The following SYNPR variants were observed in gnomAD, a reference collection of about 807,000 sequenced individuals.
The protein encoded by SYNPR is synaptoporin.
Under a neutral mutation model 32.9 loss-of-function variants are expected in SYNPR, and 23 were observed. The observed-to-expected ratio is 0.70, with a 90% CI of 0.50 to 0.99. The LOEUF (loss-of-function observed/expected upper bound fraction) is 0.99. Ranked by LOEUF, SYNPR falls within the 50% of genes least tolerant of loss-of-function variation. The pLI is 0.00. For synonymous variants in SYNPR, 146 were observed against 135.9 expected, an observed-to-expected ratio of 1.07 and a Z score of -0.52; for missense variants, 318 against 349.3, an observed-to-expected ratio of 0.91 and a Z score of 0.71.
intron 2 of SYNPR, among the ~76,000 whole-genome samples, chr3:63,414,035 G>A (rs2107121330): frequency 6.6e-6 from 1 of 151,236 alleles, no homozygotes; most frequent in East Asian, 1.9e-4. Context: ...GAGAGAGAGA[G>A]AGACAGAGAG....
chr3:63,301,241 G>A (rs572816946), intron 2 of SYNPR, among the ~76,000 whole-genome samples: 1 of 152,120 alleles, frequency 6.6e-6, no homozygotes, highest in Non-Finnish European at 1.5e-5. Flanking sequence ...TGGATATTTA[G>A]ATAATATTTT....
chr3:63,409,839 A>G (rs758204081), intron 2 of SYNPR, among the ~76,000 whole-genome samples: 1 of 152,174 alleles, frequency 6.6e-6, no homozygotes, highest in Non-Finnish European at 1.5e-5. Context: ...GTGTGCCTAC[A>G]TAATTTGCTT....
chr3:63,609,337 C>T (rs1700166897), intron 5 of SYNPR, 21 bp downstream of exon 5: 4 of 1,500,728 alleles, frequency 2.7e-6, no homozygotes, highest in East Asian at 2.5e-5. Context: ...TTCATCTATG[C>T]TTTACTGTTC....
intron 4 of SYNPR, among the ~76,000 whole-genome samples, chr3:63,575,843 G>A (rs1702970695): frequency 6.6e-6 from 1 of 152,158 alleles, no homozygotes; most frequent in Non-Finnish European, 1.5e-5. Context: ...ACACACTTTG[G>A]AAGAAAGATA....
At chr3:63,246,039 T>C (rs2086286598) in intron 1 of SYNPR, among the ~76,000 whole-genome samples, 1 of 152,028 alleles carries the variant, frequency 6.6e-6, no homozygotes, top group African/African-American at 2.4e-5. Flanking sequence ...GTGCTTTTTC[T>C]ACATTTCTTA....
intron 2 of SYNPR, among the ~76,000 whole-genome samples, chr3:63,256,067 C>A (rs892351483): frequency 2.0e-5 from 3 of 152,180 alleles, no homozygotes; most frequent in African/African-American, 7.2e-5. Flanking sequence ...AACAAAGCAG[C>A]CAGGAAGCTC....
intron 2 of SYNPR, among the ~76,000 whole-genome samples, chr3:63,411,858 T>G (rs2088470954): frequency 6.6e-6 from 1 of 152,152 alleles, no homozygotes; most frequent in African/African-American, 2.4e-5. Context: ...AGTAGGAGGC[T>G]ATTGAAGAGT....
chr3:63,516,102 T>TCAAA (rs1261060380), intron 3 of SYNPR, among the ~76,000 whole-genome samples: 2 of 152,148 alleles, frequency 1.3e-5, no homozygotes, highest in Admixed American at 1.3e-4. Context: ...TTTTACTGGT[T>TCAAA]CAAAGTATAT....
intron 2 of SYNPR, among the ~76,000 whole-genome samples, chr3:63,447,784 T>C (rs1700306062): frequency 6.6e-6 from 1 of 152,090 alleles, no homozygotes; most frequent in South Asian, 2.1e-4. Context: ...AAAAGTACTA[T>C]TGGAAAATTG....
intron 1 of SYNPR, among the ~76,000 whole-genome samples, chr3:63,246,985 G>A (rs1442015161): frequency 6.6e-6 from 1 of 151,966 alleles, no homozygotes; most frequent in Non-Finnish European, 1.5e-5. Flanking sequence ...TGGGTGATGG[G>A]ATGATCTGTG....
chr3:63,347,517 A>G (rs2087452901), intron 2 of SYNPR, among the ~76,000 whole-genome samples: 1 of 152,210 alleles, frequency 6.6e-6, no homozygotes, highest in African/African-American at 2.4e-5. Context: ...GTATACAAGT[A>G]CAGTTTTGTT....
At chr3:63,207,723 G>T in the SYNPR span, among the ~76,000 whole-genome samples, 2 of 152,010 alleles carry the variant, frequency 1.3e-5, no homozygotes, top group Non-Finnish European at 2.9e-5. Context: ...TCATCTTCTC[G>T]TCTTTCTAAC....
At chr3:63,430,119 C>G (rs1157158520) in intron 2 of SYNPR, among the ~76,000 whole-genome samples, 1 of 152,118 alleles carries the variant, frequency 6.6e-6, no homozygotes, top group Non-Finnish European at 1.5e-5. Flanking sequence ...GAAACTTTGG[C>G]ACATTGCCAG....
At chr3:63,550,278 T>A (rs1053550795) in intron 3 of SYNPR, among the ~76,000 whole-genome samples, 2 of 151,242 alleles carry the variant, frequency 1.3e-5, no homozygotes, top group Non-Finnish European at 2.9e-5. Flanking sequence ...GCCTTTTGCT[T>A]ATAAGAACTT....
chr3:63,221,305 G>T, the SYNPR span, among the ~76,000 whole-genome samples: 1 of 152,170 alleles, frequency 6.6e-6, no homozygotes, highest in East Asian at 1.9e-4. Context: ...GATTAAAAGG[G>T]ATTTCATCTA....
chr3:63,585,205 A>C (rs1703162681), intron 4 of SYNPR, among the ~76,000 whole-genome samples: 1 of 152,292 alleles, frequency 6.6e-6, no homozygotes, highest in South Asian at 2.1e-4. Flanking sequence ...ACTGGCAAAA[A>C]TAAGTCAAAT....
intron 2 of SYNPR, among the ~76,000 whole-genome samples, chr3:63,454,752 GTGTGATGTGATGTGA>G (rs113684823): frequency 6.6e-6 from 1 of 151,960 alleles, no homozygotes; most frequent in South Asian, 2.1e-4. Context: ...AGAGATCTCT[GTGTGATGTGATGTGA>G]TGTGATGTGA....
chr3:63,437,719 G>A (rs181818085), intron 2 of SYNPR, among the ~76,000 whole-genome samples: 344 of 152,232 alleles, frequency 2.3e-3, no homozygotes, highest in African/African-American at 7.8e-3. Flanking sequence ...TAAGTATGGA[G>A]AGGGCCACTT....
the SYNPR span, among the ~76,000 whole-genome samples, chr3:63,209,988 GT>G: frequency 6.6e-6 from 1 of 152,008 alleles, no homozygotes; most frequent in Non-Finnish European, 1.5e-5. Context: ...ATTAAATGAG[GT>G]TTAGAAAACC....
Sources: allele counts gnomAD v4.1 joint callset (sites outside exome capture counted in the v4.1 genomes callset), GRCh38; gene constraint gnomAD v4.1.1; transcripts MANE v1.5; gene names NCBI Gene and HGNC (gene_info 2026-07-23, HGNC 2026-07-21).